TLL1: variants seen among roughly 807,000 people sequenced by gnomAD.
TLL1 encodes the protein tolloid like 1.
TLL1 carries 49 observed loss-of-function variants against 128.2 expected under a neutral mutation model. The ratio of observed to expected loss-of-function variants is 0.38; its 90% CI spans 0.30 to 0.48. The LOEUF is 0.48. Ranked by LOEUF, TLL1 falls within the 20% of genes least tolerant of loss-of-function variation. The pLI is 0.96. For missense variants in TLL1, 1,123 were observed against 1,242.0 expected (o/e 0.90, Z 1.44); for synonymous variants, 454 against 418.8 (o/e 1.08, Z -1.03).
At chr4:166,029,912 C>T (rs372411170) in intron 9 of TLL1, among the ~76,000 whole-genome samples, 1 of 152,024 alleles carries the variant, frequency 6.6e-6, no homozygotes, top group African/African-American at 2.4e-5. Flanking sequence ...TAGGTTGCTT[C>T]TACCTCTTGG....
chr4:166,095,161 T>C (rs1165534946), intron 19 of TLL1, among the ~76,000 whole-genome samples: 1 of 152,128 alleles, frequency 6.6e-6, no homozygotes, highest in African/African-American at 2.4e-5. Context: ...TATACAATTT[T>C]AATTTTATGC....
At chr4:165,998,657 C>T (rs1737001441) in intron 5 of TLL1, among the ~76,000 whole-genome samples, 2 of 151,688 alleles carry the variant, frequency 1.3e-5, no homozygotes, top group Non-Finnish European at 2.9e-5. Context: ...ATTAGCCGGG[C>T]GTGGTGGCGG....
At position 165,989,447 on chromosome 4, in the gene TLL1, T is replaced by C. The variant is rs1415301298; in HGVS notation, c.236T>C (p.Ile79Thr). Residue 79 changes from isoleucine (I) to threonine (T), a missense_variant, in exon 2 of 21, where the codon ATT becomes ACT. Ile to Thr is a moderately conservative substitution (Grantham distance 89). Transcript: ENST00000061240. ...DLNIFQIDRT[I>T]DLTQNPFGNL... ...AATATCTTTCAAATAGATAGGACAA[T>C]TGACCTTACGCAGAACCCCTTTGGA... The C allele has an allele frequency of 1.2e-6, 2 of 1,612,964 alleles. No homozygotes were observed. The highest frequency in any genetic ancestry group is 2.2e-5 in the East Asian group (1 of 44,776).
chr4:166,070,774 T>C (rs1002727400), intron 16 of TLL1, among the ~76,000 whole-genome samples: 3 of 151,926 alleles, frequency 2.0e-5, no homozygotes, highest in Non-Finnish European at 4.4e-5. Flanking sequence ...TGTGTCTCGA[T>C]ATTTGTAAGT....
At chr4:166,008,307 T>C (rs1343935911) in intron 7 of TLL1, among the ~76,000 whole-genome samples, 1 of 151,634 alleles carries the variant, frequency 6.6e-6, no homozygotes, top group Non-Finnish European at 1.5e-5. Flanking sequence ...ATAAATTATG[T>C]AAACAATTTT....
intron 1 of TLL1, 119 bp from the exon 2 acceptor site, chr4:165,989,262 A>C (rs898798177): frequency 5.4e-6 from 4 of 743,422 alleles, no homozygotes; most frequent in Non-Finnish European, 9.0e-6. Context: ...TACTTTCTGA[A>C]AGATCTGTCT....
chr4:166,026,598 A>G (rs1486398201), intron 9 of TLL1, among the ~76,000 whole-genome samples: 3 of 152,216 alleles, frequency 2.0e-5, no homozygotes, highest in Admixed American at 1.3e-4. Context: ...GAGGCAGGAT[A>G]ATTGCTTGAA....
intron 19 of TLL1, among the ~76,000 whole-genome samples, chr4:166,098,732 AAC>A (rs1255897112): frequency 3.3e-5 from 5 of 152,226 alleles, no homozygotes; most frequent in African/African-American, 1.2e-4. Context: ...ATATAACACA[AAC>A]ACACGCAGAG....
Position 166,012,068 on chromosome 4 carries a change from G to A in TLL1, c.918-2368G>A, listed in dbSNP as rs185953460. Among the ~76,000 whole-genome samples, 3 of 151,632 alleles carry A rather than the reference G, an allele frequency of 2.0e-5. No individual in the cohort carries two copies. The Admixed American group carries it at 2.0e-4, about 10-fold the overall frequency. ...GTATCTATAGGGTCTTTATATGAGT[G>A]ACTATTTTGTAATATACATGCTTCT... On this transcript the variant is annotated intron_variant, in intron 7 of 20. Coordinates refer to ENST00000061240, the MANE Select transcript of TLL1 (RefSeq NM_012464.5).
At chr4:165,922,451 C>A (rs1055050033) in intron 1 of TLL1, among the ~76,000 whole-genome samples, 3 of 152,100 alleles carry the variant, frequency 2.0e-5, no homozygotes, top group African/African-American at 7.2e-5. Flanking sequence ...TCCTTCGTTT[C>A]TTTAATATAA....
At chr4:165,991,801 AG>A (rs1022849918) in intron 2 of TLL1, among the ~76,000 whole-genome samples, 1 of 152,020 alleles carries the variant, frequency 6.6e-6, no homozygotes, top group Non-Finnish European at 1.5e-5. Flanking sequence ...TCTTTGTCTT[AG>A]CCCAAAGATA....
intron 1 of TLL1, among the ~76,000 whole-genome samples, chr4:165,913,710 G>C (rs1732650803): frequency 6.6e-6 from 1 of 152,064 alleles, no homozygotes; most frequent in Non-Finnish European, 1.5e-5. Context: ...GGGAAGTTTA[G>C]GTACTACAAG....
chr4:166,003,347 G>A (rs747421866), intron 5 of TLL1, 44 bp from the exon 6 acceptor site: 5 of 1,606,532 alleles, frequency 3.1e-6, no homozygotes, highest in African/African-American at 2.7e-5. Flanking sequence ...CAGTTGTCCA[G>A]CACCACCTTT....
chr4:166,034,784 C>T (rs1050949346), intron 9 of TLL1, among the ~76,000 whole-genome samples: 4 of 152,140 alleles, frequency 2.6e-5, no homozygotes, highest in Non-Finnish European at 5.9e-5. Flanking sequence ...TATAACAAAG[C>T]TCCTCAGACT....
intron 2 of TLL1, among the ~76,000 whole-genome samples, chr4:165,991,049 A>G (rs557794519): frequency 6.6e-6 from 1 of 151,994 alleles, no homozygotes; most frequent in Non-Finnish European, 1.5e-5. Flanking sequence ...GAGTTATTAT[A>G]AGTTGCATTT....
intron 1 of TLL1, among the ~76,000 whole-genome samples, chr4:165,893,505 G>C (rs1163152931): frequency 6.6e-6 from 1 of 152,182 alleles, no homozygotes; most frequent in Non-Finnish European, 1.5e-5. Context: ...AGGGTGAAGT[G>C]TCAGAGTGGA....
chr4:165,946,173 C>T lies in TLL1; in HGVS notation c.170-43208C>T, dbSNP rs868542213. ...ACTGCAGGGAACTGAATTCTGCCAA[C>T]ACTGAATGAGCTTGGGAGCTGAGCC... On this transcript the variant is annotated intron_variant, in intron 1 of 20. Transcript: ENST00000061240. Among the ~76,000 whole-genome samples, 8 of 152,178 alleles carry T rather than the reference C, an allele frequency of 5.3e-5. No individual in the cohort carries two copies. In the South Asian group the frequency reaches 1.7e-3, roughly 32 times the overall value.
At chr4:165,891,327 C>G (rs1731393845) in intron 1 of TLL1, among the ~76,000 whole-genome samples, 1 of 152,126 alleles carries the variant, frequency 6.6e-6, no homozygotes, top group Non-Finnish European at 1.5e-5. Context: ...AATTTCTCCT[C>G]AGAAAGTGGG....
chr4:165,917,324 G>T (rs1285832950), intron 1 of TLL1, among the ~76,000 whole-genome samples: 1 of 152,264 alleles, frequency 6.6e-6, no homozygotes, highest in African/African-American at 2.4e-5. Flanking sequence ...TACAGGGTAA[G>T]AATCTCTGGA....
Sources: gnomAD v4.1 joint callset for allele counts (sites outside exome capture counted in the v4.1 genomes callset) on GRCh38, gnomAD v4.1.1 for gene constraint, MANE v1.5 for transcripts, NCBI Gene and HGNC (gene_info 2026-07-23, HGNC 2026-07-21) for gene names.